Variants in MACROD2 observed in about 807,000 individuals in gnomAD.
The protein encoded by MACROD2 is mono-ADP ribosylhydrolase 2, also known as ADP-ribose glycohydrolase MACROD2.
In MACROD2, 36 loss-of-function variants were observed where a neutral mutation model predicts 70.4. The observed-to-expected ratio is 0.51, with a 90% CI of 0.39 to 0.68. The LOEUF (loss-of-function observed/expected upper bound fraction) is 0.68, where lower values mean the gene tolerates loss of function less well. Among genes scored for constraint, MACROD2 ranks in the 30% least tolerant of loss-of-function variants. MACROD2 has a pLI of 0.00. For missense variants in MACROD2, 496 were observed against 538.4 expected (o/e 0.92, Z 0.78); for synonymous variants, 172 against 178.8 (o/e 0.96, Z 0.30).
At chr20:14,458,597 C>T (rs2084331066) in intron 3 of MACROD2, among the ~76,000 whole-genome samples, 1 of 152,056 alleles carries the variant, frequency 6.6e-6, no homozygotes, top group Admixed American at 6.5e-5. Flanking sequence ...CATGGAGGTG[C>T]TGTGAGTGTG....
intron 10 of MACROD2, among the ~76,000 whole-genome samples, chr20:15,917,104 G>C (rs559344292): frequency 6.8e-4 from 103 of 152,230 alleles, no homozygotes; most frequent in African/African-American, 2.2e-3. Context: ...ATAGAGAGGT[G>C]CTTGTCGTGT....
intron 15 of MACROD2, among the ~76,000 whole-genome samples, chr20:16,021,622 G>T (rs2067002321): frequency 6.6e-6 from 1 of 152,070 alleles, no homozygotes; most frequent in South Asian, 2.1e-4. Context: ...GTTCATAATT[G>T]GTTATTATGA....
At chr20:15,714,757 AC>A (rs1199977984) in intron 8 of MACROD2, among the ~76,000 whole-genome samples, 2 of 152,230 alleles carry the variant, frequency 1.3e-5, no homozygotes, top group Non-Finnish European at 2.9e-5. Flanking sequence ...AATATGTGCC[AC>A]ATACTTTACT....
intron 8 of MACROD2, among the ~76,000 whole-genome samples, chr20:15,723,693 A>G (rs1161762961): frequency 6.6e-6 from 1 of 152,168 alleles, no homozygotes; most frequent in Non-Finnish European, 1.5e-5. Context: ...TTCCCCTACT[A>G]AAGGACATCT....
chr20:15,403,315 ATTTG>A (rs372226606), intron 6 of MACROD2, among the ~76,000 whole-genome samples: 2,074 of 152,164 alleles, frequency 0.014, 48 homozygotes, highest in African/African-American at 0.047. Context: ...GAGAAGTGGT[ATTTG>A]TTCTAATATT....
At chr20:15,284,006 G>A (rs571691071) in intron 6 of MACROD2, among the ~76,000 whole-genome samples, 28 of 151,838 alleles carry the variant, frequency 1.8e-4, no homozygotes, top group South Asian at 1.0e-3. Context: ...AAATATCACC[G>A]TATATATATT....
At chr20:14,076,281 G>C (rs1246187562) in intron 2 of MACROD2, among the ~76,000 whole-genome samples, 1 of 152,060 alleles carries the variant, frequency 6.6e-6, no homozygotes, top group Non-Finnish European at 1.5e-5. Context: ...AATTATCTTA[G>C]AGATTAATGA....
At chr20:15,433,828 G>A (rs773657242) in intron 7 of MACROD2, among the ~76,000 whole-genome samples, 33 of 151,118 alleles carry the variant, frequency 2.2e-4, no homozygotes, top group Non-Finnish European at 3.2e-4. Context: ...AAAACAGCAT[G>A]GTACTCCTAT....
At chr20:15,696,715 C>A (rs1435643815) in intron 8 of MACROD2, among the ~76,000 whole-genome samples, 1 of 130,216 alleles carries the variant, frequency 7.7e-6, no homozygotes, top group African/African-American at 3.2e-5. Context: ...TTTTAGTTAC[C>A]ATTTCAATCT....
intron 6 of MACROD2, among the ~76,000 whole-genome samples, chr20:15,337,100 T>A (rs775370868): frequency 6.6e-6 from 1 of 151,770 alleles, no homozygotes; most frequent in Non-Finnish European, 1.5e-5. Flanking sequence ...TGTACCGTTT[T>A]GAAGTTAGGA....
chr20:15,420,104 C>A (rs1041209025), intron 6 of MACROD2, among the ~76,000 whole-genome samples: 1 of 152,174 alleles, frequency 6.6e-6, no homozygotes, highest in African/African-American at 2.4e-5. Flanking sequence ...GTAAAACATT[C>A]CTACAAGTCA....
intron 3 of MACROD2, among the ~76,000 whole-genome samples, chr20:14,462,834 C>T (rs2084388425): frequency 6.6e-6 from 1 of 152,012 alleles, no homozygotes. Flanking sequence ...TGTCAAAGAT[C>T]AGATAGTTGT....
At chr20:14,321,474 TA>T (rs2122549042) in intron 3 of MACROD2, among the ~76,000 whole-genome samples, 1 of 152,332 alleles carries the variant, frequency 6.6e-6, no homozygotes, top group East Asian at 1.9e-4. Flanking sequence ...TTTGCTAATT[TA>T]ACAAAAAGTC....
rs372888873 is a variant in MACROD2 at position 14,050,795 on chromosome 20, A to G, written c.164-34826A>G. On this transcript the variant is annotated intron_variant, in intron 2 of 17. Transcript: ENST00000684519. ...AAAATCTGATTGTTAAAGAATAATCAAAGGAAGGACTGAAAATTGAAACAG... is the reference window on the plus strand; with the variant it reads ...AAAATCTGATTGTTAAAGAATAATCGAAGGAAGGACTGAAAATTGAAACAG... Among the ~76,000 whole-genome samples the G allele has an allele frequency of 3.0e-4, 46 of 152,354 alleles. No homozygotes were observed. In the East Asian group the frequency reaches 7.7e-3, roughly 26 times the overall value.
At chr20:14,434,151 T>C (rs926758534) in intron 3 of MACROD2, among the ~76,000 whole-genome samples, 7 of 152,204 alleles carry the variant, frequency 4.6e-5, no homozygotes, top group Non-Finnish European at 8.8e-5. Flanking sequence ...AGCTGAAAGA[T>C]ATGAAACTTC....
intron 5 of MACROD2, among the ~76,000 whole-genome samples, chr20:15,204,274 G>T (rs2076682233): frequency 6.6e-6 from 1 of 152,048 alleles, no homozygotes; most frequent in Non-Finnish European, 1.5e-5. Flanking sequence ...CATTTCTCAT[G>T]AATTCTTTAA....
intron 3 of MACROD2, among the ~76,000 whole-genome samples, chr20:14,133,458 T>G (rs562388960): frequency 1.3e-5 from 2 of 152,300 alleles, no homozygotes; most frequent in East Asian, 3.9e-4. Flanking sequence ...TAGGTAAAGG[T>G]GCTCACCTCC....
intron 9 of MACROD2, among the ~76,000 whole-genome samples, chr20:15,867,099 T>C (rs1044078126): frequency 7.2e-5 from 11 of 152,208 alleles, no homozygotes; most frequent in African/African-American, 2.2e-4. Context: ...GTCTTCTCCC[T>C]GTACTTTCAA....
intron 8 of MACROD2, among the ~76,000 whole-genome samples, chr20:15,568,123 C>T (rs1568897867): frequency 1.3e-5 from 2 of 152,190 alleles, no homozygotes; most frequent in African/African-American, 4.8e-5. Context: ...AGGAAAAGCC[C>T]TGTGTTTCCT....
Sources: gnomAD v4.1 joint callset for allele counts (sites outside exome capture counted in the v4.1 genomes callset) on GRCh38, gnomAD v4.1.1 for gene constraint, MANE v1.5 for transcripts, NCBI Gene and HGNC (gene_info 2026-07-23, HGNC 2026-07-21) for gene names.